Variants in SCLT1 observed in about 807,000 individuals in gnomAD.
SCLT1 encodes sodium channel-associated protein 1.
A neutral mutation model predicts 112.8 loss-of-function variants in SCLT1; 78 were observed. That is an observed-to-expected ratio of 0.69 (90% CI 0.58 to 0.83). The LOEUF (loss-of-function observed/expected upper bound fraction) is 0.83, where lower values mean the gene tolerates loss of function less well. SCLT1 is among the 40% of genes least tolerant of loss of function. The probability of loss-of-function intolerance (pLI) is 0.00; values close to 1 mark genes in which losing one functional copy is unlikely to be tolerated. For synonymous variants in SCLT1, 257 were observed against 254.7 expected, an observed-to-expected ratio of 1.01 and a Z score of -0.09; for missense variants, 747 against 770.4, an observed-to-expected ratio of 0.97 and a Z score of 0.36.
chr4:129,092,366 T>C lies in SCLT1; in HGVS notation c.34+704A>G, dbSNP rs1248261032. ...CCCCTCAGTGTCACAAATATTGTTC[T>C]ATTTGGGATGCCTAGAGTTTTTCAT... On this transcript the variant is annotated intron_variant, in intron 1 of 20. Transcript: ENST00000281142. 3.9e-5 allele frequency among the ~76,000 whole-genome samples: 6 copies of C among 152,370 alleles called. No individual in the cohort carries two copies. The East Asian group carries it at 9.6e-4, about 24-fold the overall frequency.
chr4:128,892,504 T>C (rs1399545349), intron 18 of SCLT1, among the ~76,000 whole-genome samples: 1 of 152,314 alleles, frequency 6.6e-6, no homozygotes, highest in East Asian at 1.9e-4. Flanking sequence ...ACTTCCAAAA[T>C]AACTTCAGCT....
chr4:128,892,970 A>G (rs1310557369), intron 18 of SCLT1, among the ~76,000 whole-genome samples: 1 of 152,024 alleles, frequency 6.6e-6, no homozygotes. Flanking sequence ...ACAACATAAG[A>G]AAAAAAACAA....
At chr4:128,895,392 A>C (rs1278388626) in intron 18 of SCLT1, among the ~76,000 whole-genome samples, 1 of 152,172 alleles carries the variant, frequency 6.6e-6, no homozygotes, top group Admixed American at 6.5e-5. Context: ...TTCCAACCTT[A>C]TCCCCAAAAG....
intron 5 of SCLT1, among the ~76,000 whole-genome samples, chr4:129,023,319 G>A (rs767707390): frequency 9.9e-5 from 15 of 152,150 alleles, no homozygotes; most frequent in Non-Finnish European, 1.9e-4. Flanking sequence ...ATGTAAATGG[G>A]CTAAATGCCC....
At chr4:128,965,674 ATTAAC>A (rs1424376724) in intron 10 of SCLT1, among the ~76,000 whole-genome samples, 1 of 152,180 alleles carries the variant, frequency 6.6e-6, no homozygotes, top group Non-Finnish European at 1.5e-5. Flanking sequence ...TCTATGTCTC[ATTAAC>A]TATCAAGGTA....
intron 2 of SCLT1, among the ~76,000 whole-genome samples, chr4:129,052,345 A>C (rs944222175): frequency 2.0e-5 from 3 of 152,192 alleles, no homozygotes; most frequent in South Asian, 4.2e-4. Context: ...CTGTGAATCC[A>C]TCTGGTCCTG....
At chr4:128,895,414 A>T (rs975286326) in intron 18 of SCLT1, among the ~76,000 whole-genome samples, 1 of 152,160 alleles carries the variant, frequency 6.6e-6, no homozygotes, top group African/African-American at 2.4e-5. Flanking sequence ...AACCTTCCAC[A>T]CTTCAGTTGG....
At chr4:129,051,315 A>C (rs1046403968) in intron 2 of SCLT1, among the ~76,000 whole-genome samples, 10 of 152,112 alleles carry the variant, frequency 6.6e-5, no homozygotes, top group African/African-American at 2.2e-4. Flanking sequence ...ATTACTTTGC[A>C]CAGCATGGCC....
chr4:128,920,720 A>G (rs1735817160), intron 18 of SCLT1, among the ~76,000 whole-genome samples: 3 of 152,230 alleles, frequency 2.0e-5, no homozygotes, highest in Non-Finnish European at 4.4e-5. Flanking sequence ...TGAATGGGCA[A>G]AAGCTGGAAG....
At chr4:128,927,954 C>G (rs980873972) in intron 18 of SCLT1, among the ~76,000 whole-genome samples, 5 of 151,554 alleles carry the variant, frequency 3.3e-5, no homozygotes, top group African/African-American at 1.2e-4. Context: ...ATTAAATGGA[C>G]AATAATATGA....
chr4:129,039,613 C>T lies in SCLT1; in HGVS notation c.235-517G>A, dbSNP rs1358658946. The T allele has an allele frequency of 1.0e-4, 16 of 157,210 alleles. No homozygotes were observed. In the South Asian group the frequency reaches 2.6e-3, roughly 26 times the overall value. 9.7% of individuals were successfully genotyped at this position (157,210 alleles called of 1,614,324 possible). On this transcript the variant is annotated intron_variant, in intron 4 of 20. Coordinates refer to ENST00000281142, the MANE Select transcript of SCLT1 (RefSeq NM_144643.4). ...ACCTTCATTAACTATCTAAACTCTC[C>T]GTACCATACAAGGCGCTAAGGTAAA...
chr4:129,015,840 A>G (rs1744942438), intron 5 of SCLT1, among the ~76,000 whole-genome samples: 1 of 150,194 alleles, frequency 6.7e-6, no homozygotes, highest in Non-Finnish European at 1.5e-5. Flanking sequence ...CCCTCCATCC[A>G]CTCTCAGTGC....
intron 18 of SCLT1, among the ~76,000 whole-genome samples, chr4:128,896,055 G>A (rs1733726714): frequency 6.6e-6 from 1 of 152,222 alleles, no homozygotes; most frequent in Non-Finnish European, 1.5e-5. Flanking sequence ...CAAACTGGGT[G>A]GAGCCCACTG....
At chr4:128,923,441 T>C (rs1212005141) in intron 18 of SCLT1, among the ~76,000 whole-genome samples, 5 of 66,162 alleles carry the variant, frequency 7.6e-5, no homozygotes, top group African/African-American at 3.5e-4. Context: ...TGAGACTCCA[T>C]CTCAAAAAAA....
At chr4:128,936,568 T>C (rs1183826276) in intron 18 of SCLT1, 87 bp downstream of exon 18, 13 of 737,406 alleles carry the variant, frequency 1.8e-5, no homozygotes, top group Non-Finnish European at 6.3e-6. Flanking sequence ...TTATACATTT[T>C]TTAAAAAAGA....
chr4:128,918,644 T>A (rs1735652063), intron 18 of SCLT1, among the ~76,000 whole-genome samples: 2 of 151,992 alleles, frequency 1.3e-5, no homozygotes, highest in Admixed American at 1.3e-4. Flanking sequence ...GAGTGGCAAG[T>A]TGGATGAAGA....
At chr4:129,061,099 A>G (rs1250309233) in intron 2 of SCLT1, among the ~76,000 whole-genome samples, 4 of 152,152 alleles carry the variant, frequency 2.6e-5, no homozygotes, top group Admixed American at 6.6e-5. Flanking sequence ...ACCTAGAAGT[A>G]AGCAACTTGA....
intron 2 of SCLT1, among the ~76,000 whole-genome samples, chr4:129,046,149 TCAAG>T (rs1748157111): frequency 6.6e-6 from 1 of 152,076 alleles, no homozygotes. Context: ...AGAACTCAAA[TCAAG>T]CAACAGAATA....
chr4:128,940,144 T>C (rs1169795401), intron 17 of SCLT1, among the ~76,000 whole-genome samples: 1 of 149,064 alleles, frequency 6.7e-6, no homozygotes, highest in African/African-American at 2.5e-5. Context: ...ATAGGAAAAA[T>C]TCATTGATTC....
Sources: allele counts gnomAD v4.1 joint callset (sites outside exome capture counted in the v4.1 genomes callset), GRCh38; gene constraint gnomAD v4.1.1; transcripts MANE v1.5; gene names NCBI Gene and HGNC (gene_info 2026-07-23, HGNC 2026-07-21).